CNTNAP2: variants seen among roughly 807,000 people sequenced by gnomAD.
CNTNAP2 encodes the protein contactin-associated protein-like 2.
CNTNAP2 carries 98 observed loss-of-function variants against 155.2 expected under a neutral mutation model. The ratio of observed to expected loss-of-function variants is 0.63; its 90% confidence interval spans 0.54 to 0.75. The LOEUF (loss-of-function observed/expected upper bound fraction) is 0.75. Among genes scored for constraint, CNTNAP2 ranks in the 30% least tolerant of loss-of-function variants. The probability of loss-of-function intolerance (pLI) is 0.00; values close to 1 mark genes in which losing one functional copy is unlikely to be tolerated. For missense variants in CNTNAP2, 1,727 were observed against 1,688.1 expected (o/e 1.02, Z -0.40); for synonymous variants, 651 against 631.2 (o/e 1.03, Z -0.47).
chr7:147,727,241 G>C (rs1278839913), intron 13 of CNTNAP2, among the ~76,000 whole-genome samples: 1 of 151,842 alleles, frequency 6.6e-6, no homozygotes, highest in South Asian at 2.1e-4. Context: ...AGTACACTGG[G>C]CACTTAGTAG....
At chr7:148,184,037 C>T (rs1372103022) in intron 18 of CNTNAP2, among the ~76,000 whole-genome samples, 1 of 151,968 alleles carries the variant, frequency 6.6e-6, no homozygotes, top group African/African-American at 2.4e-5. Context: ...TCCCTTACTC[C>T]CACCTCCAGA....
rs1249275499 is a variant in CNTNAP2, at chr7:146,311,707, A to G, written c.97+194734A>G. On this transcript the variant is annotated intron_variant, in intron 1 of 23. Coordinates refer to ENST00000361727, the MANE Select transcript of CNTNAP2 (RefSeq NM_014141.6). ...AAAAGAAGAAAAGAAAGAAATAAAGAAAGAAAAAGATTGGCTGATCTGAGT... is the reference window on the plus strand; with the variant it reads ...AAAAGAAGAAAAGAAAGAAATAAAGGAAGAAAAAGATTGGCTGATCTGAGT... 4 of 151,356 alleles carry G rather than the reference A, an allele frequency of 2.6e-5. No individual in the cohort carries two copies. In the East Asian group the frequency reaches 7.7e-4, roughly 29 times the overall value. The allele number at this position is 151,356 out of a possible 1,614,324, so 9.4% of individuals were successfully genotyped here.
At chr7:147,210,425 G>A (rs969402984) in intron 8 of CNTNAP2, among the ~76,000 whole-genome samples, 3 of 151,744 alleles carry the variant, frequency 2.0e-5, no homozygotes, top group African/African-American at 7.3e-5. Context: ...TGTTTCTGAG[G>A]GATTGGTTGT....
At chr7:146,840,002 G>C (rs993869815) in intron 3 of CNTNAP2, 98 bp downstream of exon 3, 1 of 1,367,224 alleles carries the variant, frequency 7.3e-7, no homozygotes, top group Non-Finnish European at 1.0e-6. Flanking sequence ...CAATATTTAT[G>C]TATTCAAATC....
intron 15 of CNTNAP2, among the ~76,000 whole-genome samples, chr7:148,019,576 G>A (rs1421335004): frequency 2.6e-5 from 4 of 151,974 alleles, no homozygotes; most frequent in Admixed American, 6.6e-5. Context: ...TGTGCCTCGG[G>A]CTCCTGAGTA....
At chr7:147,271,565 T>A (rs1030341044) in intron 8 of CNTNAP2, among the ~76,000 whole-genome samples, 4 of 152,184 alleles carry the variant, frequency 2.6e-5, no homozygotes, top group Non-Finnish European at 5.9e-5. Flanking sequence ...AAAAAGAGGC[T>A]TAATGGACTT....
intron 3 of CNTNAP2, among the ~76,000 whole-genome samples, chr7:146,865,172 C>T (rs563302826): frequency 6.6e-6 from 1 of 151,994 alleles, no homozygotes; most frequent in East Asian, 1.9e-4. Flanking sequence ...ATTATACTGA[C>T]ATTCTTTACT....
intron 21 of CNTNAP2, among the ~76,000 whole-genome samples, chr7:148,370,907 A>G (rs1798875545): frequency 2.0e-5 from 3 of 152,080 alleles, no homozygotes; most frequent in Admixed American, 2.0e-4. Context: ...TCTTCCCCAC[A>G]TTCAGCATCC....
At chr7:147,153,146 T>C (rs1489582377) in intron 8 of CNTNAP2, among the ~76,000 whole-genome samples, 1 of 151,990 alleles carries the variant, frequency 6.6e-6, no homozygotes, top group Non-Finnish European at 1.5e-5. Context: ...TCATGGAGAA[T>C]GAGTGGTTAC....
At chr7:147,781,761 C>A (rs1252706988) in intron 13 of CNTNAP2, among the ~76,000 whole-genome samples, 2 of 152,178 alleles carry the variant, frequency 1.3e-5, no homozygotes, top group Non-Finnish European at 2.9e-5. Flanking sequence ...CGGTGGCTCA[C>A]GCCGGTAATC....
Position 146,851,650 on chromosome 7 carries a change from CTGTGTGTGTGTGTGTGTGTGTGTG to C in CNTNAP2, c.402+11774_402+11797del, listed in dbSNP as rs71165041. ...TGTGTTGCTTTATATCATCTTTCTTCTGTGTGTGTGTGTGTGTGTGTGTGTGTGTGTGTGTGTGTGTGTGTGTGT... is the reference window on the plus strand; with the variant it reads ...TGTGTTGCTTTATATCATCTTTCTTCTGTGTGTGTGTGTGTGTGTGTGTGT... On this transcript the variant is annotated intron_variant, in intron 3 of 23. Transcript: ENST00000361727. 1.4e-3 allele frequency among the ~76,000 whole-genome samples: 184 copies of C among 133,120 alleles called. 1 individual carries two copies. The highest frequency in any genetic ancestry group is 3.7e-3 in the African/African-American group (129 of 34,920). The allele number at this position is 133,120 out of a possible 152,430, so 87.3% of individuals were successfully genotyped here. A position where few individuals can be genotyped will look rare whatever the true frequency, so the allele number is the denominator to read the frequency against.
chr7:147,419,879 T>G (rs17170491), intron 10 of CNTNAP2, among the ~76,000 whole-genome samples: 40,222 of 152,084 alleles, frequency 0.26, 6,128 homozygotes, highest in African/African-American at 0.41. Flanking sequence ...AACTCTCTAA[T>G]CTGGGTGTCA....
intron 4 of CNTNAP2, among the ~76,000 whole-genome samples, chr7:147,054,543 G>A (rs10266239): frequency 0.2 from 30,162 of 151,884 alleles, 3,225 homozygotes; most frequent in East Asian, 0.31. Context: ...CTTATAATCC[G>A]TTTAATGTAA....
At chr7:147,732,981 G>A (rs1796770678) in intron 13 of CNTNAP2, among the ~76,000 whole-genome samples, 1 of 152,164 alleles carries the variant, frequency 6.6e-6, no homozygotes, top group Non-Finnish European at 1.5e-5. Flanking sequence ...CCATTGTGTA[G>A]GTTGCCAGTT....
At chr7:147,725,015 C>T (rs1796621246) in intron 13 of CNTNAP2, among the ~76,000 whole-genome samples, 2 of 151,974 alleles carry the variant, frequency 1.3e-5, no homozygotes, top group African/African-American at 4.8e-5. Flanking sequence ...TGTCTTTCCC[C>T]TTCTCAGATC....
intron 15 of CNTNAP2, among the ~76,000 whole-genome samples, chr7:148,053,613 G>T (rs1802934739): frequency 6.6e-6 from 1 of 152,136 alleles, no homozygotes. Flanking sequence ...TACTTTACCT[G>T]CTTTGGCAAA....
intron 1 of CNTNAP2, among the ~76,000 whole-genome samples, chr7:146,223,091 T>A (rs1172027344): frequency 6.6e-6 from 1 of 152,168 alleles, no homozygotes; most frequent in Admixed American, 6.5e-5. Flanking sequence ...ACTAACTTAT[T>A]CAATGAACAC....
intron 1 of CNTNAP2, among the ~76,000 whole-genome samples, chr7:146,707,196 G>C (rs1800981582): frequency 6.6e-6 from 1 of 152,146 alleles, no homozygotes; most frequent in African/African-American, 2.4e-5. Flanking sequence ...GCTGGGACCT[G>C]AAGCCCCAGT....
chr7:147,468,642 C>T (rs1273100265), intron 10 of CNTNAP2, among the ~76,000 whole-genome samples: 1 of 152,126 alleles, frequency 6.6e-6, no homozygotes, highest in Non-Finnish European at 1.5e-5. Context: ...AATTGTATGA[C>T]AGATTTGAGA....
Sources: allele counts gnomAD v4.1 joint callset (sites outside exome capture counted in the v4.1 genomes callset), GRCh38; gene constraint gnomAD v4.1.1; transcripts MANE v1.5; gene names NCBI Gene and HGNC (gene_info 2026-07-23, HGNC 2026-07-21).